The following COL25A1 variants were observed in gnomAD, a reference collection of about 807,000 sequenced individuals.
COL25A1 encodes collagen alpha-1(XXV) chain.
Under a neutral mutation model 128.4 loss-of-function variants are expected in COL25A1, and 103 were observed. The ratio of observed to expected loss-of-function variants is 0.80; its 90% CI spans 0.68 to 0.94. The LOEUF (loss-of-function observed/expected upper bound fraction) is 0.94, where lower values mean the gene tolerates loss of function less well. COL25A1 is among the 40% of genes least tolerant of loss of function. The pLI, the probability that COL25A1 is intolerant of heterozygous loss-of-function variation, is 0.00. For missense variants in COL25A1, 745 were observed against 840.0 expected, an observed-to-expected ratio of 0.89 and a Z score of 1.40; for synonymous variants, 279 against 277.2, an observed-to-expected ratio of 1.01 and a Z score of -0.06.
intron 36 of COL25A1, among the ~76,000 whole-genome samples, chr4:108,818,343 A>T (rs1367453214): frequency 6.6e-6 from 1 of 152,180 alleles, no homozygotes. Flanking sequence ...TTTATCTTTA[A>T]AGAATCATGC....
Position 108,941,371 on chromosome 4 carries a change from T to G in COL25A1, c.559A>C (p.Ile187Leu), listed in dbSNP as rs541543866. The change falls in exon 9 of 38, where the codon ATT (isoleucine) becomes CTT (leucine). Residue 187 changes from isoleucine to leucine, a missense_variant. Physicochemically the swap from Ile to Leu is conservative, Grantham distance 5 (BLOSUM62 2). Around this residue, in one of 3 missense-constraint regions of COL25A1, gnomAD observed 319 missense variants for 324.9 expected, o/e 0.98. Coordinates refer to ENST00000399132, the MANE Select transcript of COL25A1 (RefSeq NM_198721.4). ...TCAGCAAGAATAAGCACTACCTTAATCAGGCGGCGTTTAATGAGCTGCTGA... is the reference window on the plus strand; with the variant it reads ...TCAGCAAGAATAAGCACTACCTTAAGCAGGCGGCGTTTAATGAGCTGCTGA... Reference protein sequence around the residue: ...ADQQLIKRRLIKGDQGQAGPP... With the variant: ...ADQQLIKRRLLKGDQGQAGPP... The G allele has an allele frequency of 1.6e-5, 26 of 1,613,250 alleles. No homozygotes were observed. Among genetic ancestry groups the G allele is most frequent in the Non-Finnish European group, 2.2e-5 (26 of 1,179,334 alleles).
intron 8 of COL25A1, 84 bp from the exon 9 acceptor site, chr4:108,941,521 T>C (rs544369322): frequency 3.2e-6 from 3 of 942,538 alleles, no homozygotes; most frequent in East Asian, 2.4e-5. Flanking sequence ...AAGAAAGAAA[T>C]AAAGATATCC....
intron 18 of COL25A1, among the ~76,000 whole-genome samples, chr4:108,886,492 G>GTTTTTT (rs535762905): frequency 0.07 from 7,669 of 109,146 alleles, 418 homozygotes; most frequent in Non-Finnish European, 0.08. Flanking sequence ...GTGTGTGTGT[G>GTTTTTT]TTTAGCTCAT....
intron 6 of COL25A1, among the ~76,000 whole-genome samples, chr4:108,994,736 C>A (rs28842922): frequency 0.79 from 120,503 of 151,766 alleles, 49,023 homozygotes; most frequent in East Asian, 1. Context: ...CTCATACAGG[C>A]GGGTGCCCCT....
chr4:108,973,562 C>T (rs61457809), intron 8 of COL25A1, among the ~76,000 whole-genome samples: 2,900 of 152,190 alleles, frequency 0.019, 85 homozygotes, highest in African/African-American at 0.066. Context: ...CTTTTTTCAA[C>T]CTGAAAGTTT....
At chr4:109,107,831 T>C (rs1298594964) in intron 3 of COL25A1, among the ~76,000 whole-genome samples, 2 of 152,234 alleles carry the variant, frequency 1.3e-5, no homozygotes, top group Non-Finnish European at 2.9e-5. Context: ...AAGCTCTTTG[T>C]TCTTTTTCTC....
rs188193005 is a variant in COL25A1 at position 108,940,621 on chromosome 4, G to A, written c.590C>T (p.Pro197Leu). The stretch of plus-strand genomic sequence containing the variant: ...TGGGCCTGGAGGGCCAGGGGGTCCT[G>A]GAGGCCCTGCCTGTCCTTGGTCACC... The part of the protein sequence containing the change: ...IKGDQGQAGP[P>L]GPPGPPGPRG... Residue 197 changes from proline to leucine, a missense_variant, in exon 10 of 38, where the codon CCA (proline) becomes CTA (leucine). Pro to Leu is a moderately conservative substitution (Grantham distance 98, BLOSUM62 -3). Coordinates refer to ENST00000399132, the MANE Select transcript of COL25A1 (RefSeq NM_198721.4). 53 of 1,605,302 alleles carry A rather than the reference G, an allele frequency of 3.3e-5. No individual in the cohort carries two copies. The African/African-American group carries it at 6.7e-4, about 20-fold the overall frequency.
intron 3 of COL25A1, among the ~76,000 whole-genome samples, chr4:109,174,418 A>G (rs1331314711): frequency 6.6e-6 from 1 of 152,146 alleles, no homozygotes; most frequent in Non-Finnish European, 1.5e-5. Context: ...CCTGAGTAGC[A>G]CGTTTCAGTT....
At chr4:109,296,312 C>T (rs1724983818) in intron 3 of COL25A1, among the ~76,000 whole-genome samples, 1 of 151,678 alleles carries the variant, frequency 6.6e-6, no homozygotes, top group Non-Finnish European at 1.5e-5. Flanking sequence ...CTTTATTTTC[C>T]CCAGAGAAAA....
intron 3 of COL25A1, among the ~76,000 whole-genome samples, chr4:109,123,515 G>A (rs576265002): frequency 1.1e-4 from 17 of 151,954 alleles, no homozygotes; most frequent in Middle Eastern, 3.4e-3. Flanking sequence ...TTAAGTTCTG[G>A]CAAAAATAGA....
intron 29 of COL25A1, 63 bp from the exon 30 acceptor site, chr4:108,844,632 A>C (rs1407846997): frequency 6.4e-7 from 1 of 1,566,874 alleles, no homozygotes; most frequent in East Asian, 2.2e-5. Context: ...GTTCAACTTG[A>C]ATCTTGTGCT....
At chr4:109,241,829 C>T (rs1160472883) in intron 3 of COL25A1, among the ~76,000 whole-genome samples, 1 of 152,042 alleles carries the variant, frequency 6.6e-6, no homozygotes, top group Non-Finnish European at 1.5e-5. Context: ...ACCCCAATCT[C>T]ACTCCCAGAC....
intron 3 of COL25A1, among the ~76,000 whole-genome samples, chr4:109,099,800 G>A (rs1384615804): frequency 1.3e-5 from 2 of 151,746 alleles, no homozygotes; most frequent in Non-Finnish European, 2.9e-5. Flanking sequence ...TAGTTAATGT[G>A]AAAGAAAAAA....
At chr4:109,289,936 T>C (rs879723682) in intron 3 of COL25A1, among the ~76,000 whole-genome samples, 1 of 152,020 alleles carries the variant, frequency 6.6e-6, no homozygotes. Context: ...CCTATAATTG[T>C]GAAACAGTGT....
At chr4:108,904,908 AT>A (rs11288779) in intron 13 of COL25A1, among the ~76,000 whole-genome samples, 104,044 of 151,250 alleles carry the variant, frequency 0.69, 37,167 homozygotes, top group East Asian at 1. Context: ...TGCTGCTTTC[AT>A]TTTTTTTTTA....
intron 3 of COL25A1, among the ~76,000 whole-genome samples, chr4:109,272,195 C>T (rs1292214280): frequency 6.6e-6 from 1 of 152,098 alleles, no homozygotes; most frequent in Non-Finnish European, 1.5e-5. Context: ...ATGATCACCA[C>T]AGCACTCTAG....
chr4:108,842,815 A>T (rs911927000), intron 30 of COL25A1, among the ~76,000 whole-genome samples: 7 of 152,146 alleles, frequency 4.6e-5, no homozygotes, highest in African/African-American at 1.7e-4. Flanking sequence ...AAAGTATGCC[A>T]TTTGCTTAAT....
chr4:108,822,865 G>A (rs1414506519), intron 35 of COL25A1, among the ~76,000 whole-genome samples: 1 of 152,190 alleles, frequency 6.6e-6, no homozygotes, highest in Non-Finnish European at 1.5e-5. Flanking sequence ...TGTTTGTGAA[G>A]TGGGGAAAAT....
intron 13 of COL25A1, among the ~76,000 whole-genome samples, chr4:108,903,198 C>T (rs949781010): frequency 6.6e-6 from 1 of 151,870 alleles, no homozygotes; most frequent in African/African-American, 2.4e-5. Context: ...AGTTTGATCT[C>T]CTTTTTTTCT....
Sources: gnomAD v4.1 joint callset for allele counts (sites outside exome capture counted in the v4.1 genomes callset) on GRCh38, gnomAD v4.1.1 for gene constraint, gnomAD v4.1.1 regional missense constraint, MANE v1.5 for transcripts, NCBI Gene and HGNC (gene_info 2026-07-23, HGNC 2026-07-21) for gene names.